Variants in FAM210B observed in about 807,000 individuals in gnomAD.
FAM210B encodes mitochondrial inner membrane scaffold 2, also known as family with sequence similarity 210 member B.
A neutral mutation model predicts 14.9 loss-of-function variants in FAM210B; 11 were observed. The observed-to-expected ratio is 0.74, with a 90% CI of 0.46 to 1.22. FAM210B has a LOEUF of 1.22. Ranked by LOEUF, FAM210B falls within the 50% of genes most tolerant of loss-of-function variation. The pLI, the probability that FAM210B is intolerant of heterozygous loss-of-function variation, is 0.00. For synonymous variants in FAM210B, 113 were observed against 110.2 expected (o/e 1.03, Z -0.16); for missense variants, 229 against 250.1 (o/e 0.92, Z 0.57).
Position 56,359,106 on chromosome 20 carries a change from C to T in FAM210B, c.101C>T (p.Pro34Leu). ...CTGGGCGCCACCGCCCCCTGCGCCC[C>T]GCCGCCCCTGGCCCTGGCCCTGCTC... ...WLLGATAPCA[P>L]PPLALALLPP... The change falls in exon 1 of 3, where the codon CCG becomes CTG. Residue 34 changes from proline (P) to leucine (L), a missense_variant. Around this residue, in one of 3 missense-constraint regions of FAM210B, gnomAD observed 144 missense variants for 132.5 expected, o/e 1.09. Coordinates refer to ENST00000371384, the MANE Select transcript of FAM210B (RefSeq NM_080821.3). This position sits in a 1 kb window ranked among gnomAD's most constrained non-coding sequence, Gnocchi z 4.3. 7.5e-7 allele frequency: 1 copy of T among 1,337,256 alleles called. No homozygotes were observed. The highest frequency in any genetic ancestry group is 9.6e-7 in the Non-Finnish European group (1 of 1,043,436). 82.8% of individuals were successfully genotyped at this position (1,337,256 alleles called of 1,614,324 possible).
rs1221682893 is a variant in FAM210B, at chr20:56,363,281, G to A, written c.187-1806G>A. ...CACCAGTCCATGCTGCCAGTTAGCC[G>A]TCCCTCCCTCCTGAGCCTCAGTCAT... On this transcript the variant is annotated intron_variant, in intron 1 of 2. Coordinates refer to ENST00000371384, the MANE Select transcript of FAM210B (RefSeq NM_080821.3). This position sits in a 1 kb window ranked among gnomAD's most constrained non-coding sequence, Gnocchi z 4.1. Among the ~76,000 whole-genome samples, 4 of 152,258 alleles carry A rather than the reference G, an allele frequency of 2.6e-5. No individual in the cohort carries two copies. The highest frequency in any genetic ancestry group is 2.0e-4 in the Admixed American group (3 of 15,296).
In FAM210B at chr20:56,359,283, G is replaced by A. The variant is rs1051273086; in HGVS notation, c.186+92G>A. 1 of 1,175,090 alleles carries A rather than the reference G, an allele frequency of 8.5e-7. No individual in the cohort carries two copies. Among genetic ancestry groups the A allele is most frequent in the African/African-American group, 1.6e-5 (1 of 62,448 alleles). The allele number at this position is 1,175,090 out of a possible 1,614,324, so 72.8% of individuals were successfully genotyped here. ...CCGGGGTCCGGCCGCCTCCGCCAAG[G>A]ACGCCTTTGCACTTGTAGCTGCCCG... On this transcript the variant is annotated intron_variant, in intron 1 of 2. Coordinates refer to ENST00000371384, the MANE Select transcript of FAM210B (RefSeq NM_080821.3). This position sits in a 1 kb window ranked among gnomAD's most constrained non-coding sequence, Gnocchi z 4.3.
intron 1 of FAM210B, among the ~76,000 whole-genome samples, chr20:56,364,366 C>T (rs111743094): frequency 1.3e-5 from 2 of 152,202 alleles, no homozygotes; most frequent in Admixed American, 6.5e-5. Flanking sequence ...ACCGCATCTT[C>T]AGCTCTCTCA....
In FAM210B at chr20:56,359,977, C is replaced by T. The variant is rs1027768932; in HGVS notation, c.186+786C>T. ...GAAGGCTTTTGAGCTTGTTTTCTGA[C>T]CTTTAGAGGGCCAAAAATAGCACCT... On this transcript the variant is annotated intron_variant, in intron 1 of 2. Coordinates refer to ENST00000371384, the MANE Select transcript of FAM210B (RefSeq NM_080821.3). The surrounding 1 kb of genome is among the most constrained non-coding windows in gnomAD (Gnocchi z 4.3). Among the ~76,000 whole-genome samples, 9 of 152,178 alleles carry T rather than the reference C, an allele frequency of 5.9e-5. No individual in the cohort carries two copies. Among genetic ancestry groups the T allele is most frequent in the African/African-American group, 2.2e-4 (9 of 41,436 alleles).
intron 1 of FAM210B, among the ~76,000 whole-genome samples, chr20:56,364,427 C>A (rs748755203): frequency 2.4e-4 from 37 of 152,204 alleles, no homozygotes; most frequent in Non-Finnish European, 2.9e-4. Flanking sequence ...TTCCTGCCTC[C>A]CTCTCTTCAC....
rs1200091106 is a variant in FAM210B, at chr20:56,366,751, G to A, written c.*464G>A. The A allele has an allele frequency of 1.9e-5, 3 of 157,308 alleles. No individual in the cohort carries two copies. Among genetic ancestry groups the A allele is most frequent in the Admixed American group, 6.3e-5 (1 of 15,784 alleles). The allele number at this position is 157,308 out of a possible 1,614,324, so 9.7% of individuals were successfully genotyped here. Reference sequence around the variant, plus strand: ...TGCAGCGTTCACAAAACAGCTGCCAGTGCTACAATTAATGAAGCAAAACTT... The same window carrying A: ...TGCAGCGTTCACAAAACAGCTGCCAATGCTACAATTAATGAAGCAAAACTT... On this transcript the variant is annotated 3_prime_UTR_variant, in exon 3 of 3. Coordinates refer to ENST00000371384, the MANE Select transcript of FAM210B (RefSeq NM_080821.3).
At chr20:56,365,580 A>T (rs1387382664) in intron 2 of FAM210B, among the ~76,000 whole-genome samples, 2 of 151,990 alleles carry the variant, frequency 1.3e-5, no homozygotes, top group Non-Finnish European at 2.9e-5. Context: ...ATCTCGGCTC[A>T]CTGCAAGCTC....
Position 56,359,120 on chromosome 20 carries a change from C to G in FAM210B, c.115C>G (p.Leu39Val). 5 of 1,311,886 alleles carry G rather than the reference C, an allele frequency of 3.8e-6. No individual in the cohort carries two copies. Among genetic ancestry groups the G allele is most frequent in the African/African-American group, 1.5e-5 (1 of 65,030 alleles). 81.3% of individuals were successfully genotyped at this position (1,311,886 alleles called of 1,614,324 possible). ...CCCCTGCGCCCCGCCGCCCCTGGCC[C>G]TGGCCCTGCTCCCGCCCAGGCTAGA... ...TAPCAPPPLA[L>V]ALLPPRLDAR... The change falls in exon 1 of 3, where the codon CTG (leucine) becomes GTG (valine). Residue 39 changes from leucine to valine, a missense_variant. Leu to Val is a conservative substitution (Grantham distance 32). Transcript: ENST00000371384. The surrounding 1 kb of genome is among the most constrained non-coding windows in gnomAD (Gnocchi z 4.3).
In FAM210B at chr20:56,359,004, C is replaced by A; in HGVS notation, c.-2C>A. On this transcript the variant is annotated 5_prime_UTR_variant, in exon 1 of 3. Coordinates refer to ENST00000371384, the MANE Select transcript of FAM210B (RefSeq NM_080821.3). The surrounding 1 kb of genome is among the most constrained non-coding windows in gnomAD (Gnocchi z 4.3). ...CGCGGGTGCTGCGCCTAGCTGCGCA[C>A]CATGGCCGGGTTGCTGGCGTTGCTG... 7.7e-7 allele frequency: 1 copy of A among 1,305,484 alleles called. No homozygotes were observed. The highest frequency in any genetic ancestry group is 9.8e-7 in the Non-Finnish European group (1 of 1,022,328). 80.9% of individuals were successfully genotyped at this position (1,305,484 alleles called of 1,614,324 possible). A position where few individuals can be genotyped will look rare whatever the true frequency, so the allele number is the denominator to read the frequency against.
chr20:56,359,094 C>T lies in FAM210B; in HGVS notation c.89C>T (p.Ala30Val). The T allele has an allele frequency of 7.5e-7, 1 of 1,338,462 alleles. No homozygotes were observed. 82.9% of individuals were successfully genotyped at this position (1,338,462 alleles called of 1,614,324 possible). The change falls in exon 1 of 3, where the codon GCC becomes GTC. Residue 30 changes from alanine (A) to valine (V), a missense_variant. Around this residue, in one of 3 missense-constraint regions of FAM210B, gnomAD observed 144 missense variants for 132.5 expected, o/e 1.09. Coordinates refer to ENST00000371384, the MANE Select transcript of FAM210B (RefSeq NM_080821.3). This position sits in a 1 kb window ranked among gnomAD's most constrained non-coding sequence, Gnocchi z 4.3. ...PRATWLLGAT[A>V]PCAPPPLALA... ...GCCACCTGGCTCCTGGGCGCCACCG[C>T]CCCCTGCGCCCCGCCGCCCCTGGCC...
In FAM210B at chr20:56,362,665, G is replaced by T. The variant is rs1400558898; in HGVS notation, c.187-2422G>T. Among the ~76,000 whole-genome samples, 1 of 152,156 alleles carries T rather than the reference G, an allele frequency of 6.6e-6. No individual in the cohort carries two copies. Among genetic ancestry groups the T allele is most frequent in the Non-Finnish European group, 1.5e-5 (1 of 68,046 alleles). On this transcript the variant is annotated intron_variant, in intron 1 of 2. Coordinates refer to ENST00000371384, the MANE Select transcript of FAM210B (RefSeq NM_080821.3). This position sits in a 1 kb window ranked among gnomAD's most constrained non-coding sequence, Gnocchi z 4.8. ...TCTAGAATGTCAGAAGCCAACCGTG[G>T]TGCCAGCTAACCCGAGATTGTCCCT...
At position 56,362,049 on chromosome 20, in the gene FAM210B, C is replaced by T. The variant is rs1368577229; in HGVS notation, c.186+2858C>T. ...TGAACTTCTGGCCTCAAGCAATCCT[C>T]CTACACCTCAGCTTCCCAAAGTGTT... is the stretch of plus-strand genomic sequence containing the variant. On this transcript the variant is annotated intron_variant, in intron 1 of 2. Transcript: ENST00000371384. This position sits in a 1 kb window ranked among gnomAD's most constrained non-coding sequence, Gnocchi z 4.8. 6.6e-6 allele frequency among the ~76,000 whole-genome samples: 1 copy of T among 152,122 alleles called. No homozygotes were observed. Among genetic ancestry groups the T allele is most frequent in the Non-Finnish European group, 1.5e-5 (1 of 68,016 alleles).
chr20:56,365,103 C>T lies in FAM210B; in HGVS notation c.203C>T (p.Thr68Met), dbSNP rs371903531. Residue 68 changes from threonine (T) to methionine (M), a missense_variant, in exon 2 of 3, where the codon ACG becomes ATG. Thr to Met is a moderately conservative substitution (Grantham distance 81). Around this residue, in one of 3 missense-constraint regions of FAM210B, gnomAD observed 144 missense variants for 132.5 expected, o/e 1.09. Coordinates refer to ENST00000371384, the MANE Select transcript of FAM210B (RefSeq NM_080821.3). ...TGTACACAGGACCCCAGCCAGGCCA[C>T]GGGGACAACAGGCAGCAGCGTCAGC... is the stretch of plus-strand genomic sequence containing the variant. ...CRGHQDPSQATGTTGSSVSCT... is the reference protein window; with the variant it reads ...CRGHQDPSQAMGTTGSSVSCT... 7.4e-6 allele frequency: 12 copies of T among 1,613,092 alleles called. No individual in the cohort carries two copies. Among genetic ancestry groups the T allele is most frequent in the South Asian group, 2.2e-5 (2 of 90,996 alleles).
In FAM210B at chr20:56,359,244, T is replaced by G. The variant is rs1210379975; in HGVS notation, c.186+53T>G. 1.1e-5 allele frequency: 13 copies of G among 1,214,718 alleles called. No homozygotes were observed. The highest frequency in any genetic ancestry group is 3.2e-4 in the Middle Eastern group (1 of 3,144). 75.2% of individuals were successfully genotyped at this position (1,214,718 alleles called of 1,614,324 possible). On this transcript the variant is annotated intron_variant, in intron 1 of 2. Coordinates refer to ENST00000371384, the MANE Select transcript of FAM210B (RefSeq NM_080821.3). This position sits in a 1 kb window ranked among gnomAD's most constrained non-coding sequence, Gnocchi z 4.3. ...CGGGCGGTGTCCAGGTCCCCAGACG[T>G]CCGCAGGGCCGCGCCGGGGTCCGGC... is the stretch of plus-strand genomic sequence containing the variant.
rs921335164 is a variant in FAM210B at position 56,365,071 on chromosome 20, T to C, written c.187-16T>C. On this transcript the variant is annotated splice_polypyrimidine_tract_variant and intron_variant, in intron 1 of 2. Coordinates refer to ENST00000371384, the MANE Select transcript of FAM210B (RefSeq NM_080821.3). ...GCCTGCCCTAAAGCACCTCCTCTTC[T>C]CTGATTTGTACACAGGACCCCAGCC... is the stretch of plus-strand genomic sequence containing the variant. 1 of 1,606,616 alleles carries C rather than the reference T, an allele frequency of 6.2e-7. No homozygotes were observed.
chr20:56,360,456 TGTGTGTGTATACA>T (rs903912079), intron 1 of FAM210B: 4 of 337,358 alleles, frequency 1.2e-5, no homozygotes, highest in Non-Finnish European at 2.4e-5. Context: ...ACTGGAGCGG[TGTGTGTGTATACA>T]GTGGCAAAGA....
At chr20:56,361,815 A>G (rs1983537857) in intron 1 of FAM210B, among the ~76,000 whole-genome samples, 1 of 152,044 alleles carries the variant, frequency 6.6e-6, no homozygotes, top group South Asian at 2.1e-4. Context: ...CGTCTCTACT[A>G]AAAATACAAA....
rs1983576105 is a variant in FAM210B, at chr20:56,363,643, G to A, written c.187-1444G>A. ...TTTTTTTCCCTCCCCTAATGTGGGT[G>A]AGGTTGGTATTTTTGTTTCTCCCAC... On this transcript the variant is annotated intron_variant, in intron 1 of 2. Transcript: ENST00000371384. The surrounding 1 kb of genome is among the most constrained non-coding windows in gnomAD (Gnocchi z 4.1). 6.6e-6 allele frequency among the ~76,000 whole-genome samples: 1 copy of A among 152,154 alleles called. No homozygotes were observed. Among genetic ancestry groups the A allele is most frequent in the Non-Finnish European group, 1.5e-5 (1 of 68,020 alleles).
rs1983680793 is a variant in FAM210B at position 56,368,018 on chromosome 20, C to T, written c.*1731C>T. 1 of 152,494 alleles carries T rather than the reference C, an allele frequency of 6.6e-6. No individual in the cohort carries two copies. Among genetic ancestry groups the T allele is most frequent in the Admixed American group, 6.5e-5 (1 of 15,290 alleles). 9.4% of individuals were successfully genotyped at this position (152,494 alleles called of 1,614,324 possible). On this transcript the variant is annotated 3_prime_UTR_variant, in exon 3 of 3. Transcript: ENST00000371384. ...AGTTCCTGGTTGACCCACAGCTACC[C>T]ATGTCAGTTATCTCCACTAACATAT... is the stretch of plus-strand genomic sequence containing the variant.
Sources: allele counts gnomAD v4.1 joint callset (sites outside exome capture counted in the v4.1 genomes callset), GRCh38; gene constraint gnomAD v4.1.1; regional missense constraint gnomAD v4.1.1; non-coding constraint Gnocchi (gnomAD v3.1); transcripts MANE v1.5; gene names NCBI Gene and HGNC (gene_info 2026-07-23, HGNC 2026-07-21).